The following SEMA5A variants were observed in gnomAD, a reference collection of about 807,000 sequenced individuals.
SEMA5A encodes the protein semaphorin-5A.
SEMA5A carries 55 observed loss-of-function variants against 135.5 expected under a neutral mutation model. The ratio of observed to expected loss-of-function variants is 0.41; its 90% CI spans 0.33 to 0.51. SEMA5A has a LOEUF of 0.51. SEMA5A is among the 20% of genes least tolerant of loss of function. The pLI is 0.37. For missense variants in SEMA5A, 1,290 were observed against 1,419.9 expected (o/e 0.91, Z 1.47); for synonymous variants, 580 against 546.5 (o/e 1.06, Z -0.85).
intron 16 of SEMA5A, among the ~76,000 whole-genome samples, chr5:9,070,939 A>G (rs1737737245): frequency 6.6e-6 from 1 of 152,338 alleles, no homozygotes; most frequent in East Asian, 1.9e-4. Context: ...CTGAATATGT[A>G]TGTTACAATT....
intron 1 of SEMA5A, among the ~76,000 whole-genome samples, chr5:9,541,725 T>C (rs1187126513): frequency 6.6e-6 from 1 of 152,198 alleles, no homozygotes; most frequent in African/African-American, 2.4e-5. Flanking sequence ...CAACAGCAAT[T>C]CCTTTGGGAA....
At chr5:9,221,476 C>G (rs954435642) in intron 8 of SEMA5A, among the ~76,000 whole-genome samples, 177 of 151,472 alleles carry the variant, frequency 1.2e-3, no homozygotes, top group South Asian at 1.9e-3. Context: ...CTAATTTTTT[C>G]TATTTTTAGT....
At position 9,238,010 on chromosome 5, in the gene SEMA5A, C is replaced by T. The variant is rs1748004449; in HGVS notation, c.271-120G>A. The T allele has an allele frequency of 3.9e-6, 3 of 777,304 alleles. No homozygotes were observed. In the South Asian group the frequency reaches 4.9e-5, roughly 13 times the overall value. 48.2% of individuals were successfully genotyped at this position (777,304 alleles called of 1,614,324 possible). On this transcript the variant is annotated intron_variant, in intron 5 of 22. Transcript: ENST00000382496. ...AAATATGGCTGCATCCTGGCACCAA[C>T]ATTTTCATACTCATAGAATTTACAC...
intron 11 of SEMA5A, among the ~76,000 whole-genome samples, chr5:9,183,665 T>C (rs1744649467): frequency 6.6e-6 from 1 of 152,208 alleles, no homozygotes; most frequent in African/African-American, 2.4e-5. Context: ...TCTGAGCTCA[T>C]TATGCTCCAT....
intron 11 of SEMA5A, among the ~76,000 whole-genome samples, chr5:9,175,402 T>C (rs3777278): frequency 0.11 from 16,616 of 151,854 alleles, 1,550 homozygotes; most frequent in African/African-American, 0.23. Flanking sequence ...CCATTGGCAG[T>C]ACAAAGAAAG....
intron 5 of SEMA5A, among the ~76,000 whole-genome samples, chr5:9,280,552 C>A (rs1750489047): frequency 6.6e-6 from 1 of 152,134 alleles, no homozygotes; most frequent in African/African-American, 2.4e-5. Context: ...TCTCACTTGG[C>A]CAGCCTCAAA....
intron 4 of SEMA5A, among the ~76,000 whole-genome samples, chr5:9,327,978 C>A (rs1200704957): frequency 6.6e-6 from 1 of 152,132 alleles, no homozygotes; most frequent in Non-Finnish European, 1.5e-5. Context: ...ACTATTCATG[C>A]TTTAAATTAT....
At chr5:9,195,203 C>T (rs1380933080) in intron 10 of SEMA5A, among the ~76,000 whole-genome samples, 1 of 152,182 alleles carries the variant, frequency 6.6e-6, no homozygotes, top group African/African-American at 2.4e-5. Flanking sequence ...CAGGGTCTTG[C>T]TCTGTCACCC....
intron 12 of SEMA5A, among the ~76,000 whole-genome samples, chr5:9,147,837 G>A (rs1742425244): frequency 6.6e-6 from 1 of 151,386 alleles, no homozygotes. Context: ...CAAGAATTTT[G>A]CTTCCTTTCA....
intron 5 of SEMA5A, among the ~76,000 whole-genome samples, chr5:9,285,740 C>T (rs1464293926): frequency 6.6e-6 from 1 of 152,230 alleles, no homozygotes; most frequent in Non-Finnish European, 1.5e-5. Flanking sequence ...GGAGAACACA[C>T]TCTCAAGGAG....
intron 2 of SEMA5A, among the ~76,000 whole-genome samples, chr5:9,434,735 A>G (rs192499554): frequency 6.6e-6 from 1 of 152,160 alleles, no homozygotes; most frequent in African/African-American, 2.4e-5. Context: ...CATTTTTTAT[A>G]TCATTGCTAT....
intron 5 of SEMA5A, among the ~76,000 whole-genome samples, chr5:9,309,464 G>A (rs1752022501): frequency 6.6e-6 from 1 of 152,066 alleles, no homozygotes; most frequent in African/African-American, 2.4e-5. Context: ...CTGAGTTATG[G>A]CCAGTGGAAT....
At chr5:9,343,469 G>A (rs1753737775) in intron 3 of SEMA5A, among the ~76,000 whole-genome samples, 1 of 152,146 alleles carries the variant, frequency 6.6e-6, no homozygotes, top group Non-Finnish European at 1.5e-5. Context: ...CACAGGAAAA[G>A]AAGTACAGGG....
chr5:9,396,061 T>C (rs1329571474), intron 2 of SEMA5A, among the ~76,000 whole-genome samples: 6 of 152,184 alleles, frequency 3.9e-5, no homozygotes, highest in Non-Finnish European at 7.3e-5. Context: ...TAATACCGTG[T>C]ATCACAATAA....
chr5:9,392,548 C>T, intron 2 of SEMA5A, among the ~76,000 whole-genome samples: 1 of 152,188 alleles, frequency 6.6e-6, no homozygotes, highest in South Asian at 2.1e-4. Flanking sequence ...TTTCCAGAGG[C>T]CTTTGTCCTC....
intron 1 of SEMA5A, among the ~76,000 whole-genome samples, chr5:9,529,292 C>T (rs902134631): frequency 6.6e-6 from 1 of 152,204 alleles, no homozygotes; most frequent in Non-Finnish European, 1.5e-5. Context: ...AAGCAGAAGT[C>T]CCCACAGCCT....
chr5:9,503,224 A>AC (rs1181921249), intron 1 of SEMA5A, among the ~76,000 whole-genome samples: 1 of 152,058 alleles, frequency 6.6e-6, no homozygotes, highest in Non-Finnish European at 1.5e-5. Flanking sequence ...GCACTTCTTC[A>AC]CCCCCCAGGA....
intron 18 of SEMA5A, among the ~76,000 whole-genome samples, chr5:9,058,683 G>A (rs11954327): frequency 0.023 from 3,524 of 152,266 alleles, 152 homozygotes; most frequent in African/African-American, 0.08. Flanking sequence ...AAATAGCAAA[G>A]TAAAAACTAA....
chr5:9,363,160 G>A (rs1475666162), intron 3 of SEMA5A: 1 of 152,152 alleles, frequency 6.6e-6, no homozygotes, highest in Non-Finnish European at 1.5e-5. Flanking sequence ...TGTGGCCAGA[G>A]GAGTTTGGTC....
Sources: gnomAD v4.1 joint callset for allele counts (sites outside exome capture counted in the v4.1 genomes callset) on GRCh38, gnomAD v4.1.1 for gene constraint, MANE v1.5 for transcripts, NCBI Gene and HGNC (gene_info 2026-07-23, HGNC 2026-07-21) for gene names.